Variants in IL1RAPL1 observed in about 807,000 individuals in gnomAD.
IL1RAPL1 encodes the protein interleukin-1 receptor accessory protein-like 1.
Under a neutral mutation model 48.4 loss-of-function variants are expected in IL1RAPL1, and 3 were observed. That is an observed-to-expected ratio of 0.06 (90% CI 0.03 to 0.16). The LOEUF (loss-of-function observed/expected upper bound fraction) is 0.16, where lower values mean the gene tolerates loss of function less well. IL1RAPL1 is among the 10% of genes least tolerant of loss of function. The pLI, the probability that IL1RAPL1 is intolerant of heterozygous loss-of-function variation, is 1.00. For synonymous variants in IL1RAPL1, 185 were observed against 187.7 expected (o/e 0.99, Z 0.12); for missense variants, 349 against 530.6 (o/e 0.66, Z 3.36).
chrX:28,755,987 C>G (rs1286178910), intron 1 of IL1RAPL1, among the ~76,000 whole-genome samples: 6 of 111,980 alleles, frequency 5.4e-5, no homozygotes, highest in Non-Finnish European at 1.1e-4. Context: ...GCTTCTACCT[C>G]TCTTTGCCCA....
intron 2 of IL1RAPL1, among the ~76,000 whole-genome samples, chrX:28,854,436 ATTTAGGAAGATGTGAAG>A (rs1249182682): frequency 2.2e-5 from 1 of 45,965 alleles, no homozygotes; most frequent in South Asian, 6.8e-4. Context: ...AAGATGTGAA[ATTTAGGAAGATGTGAAG>A]TTTAGGAAGA....
rs1931764482 is a variant in IL1RAPL1, at chrX:29,869,694, T to C, written c.779-47770T>C. 2.7e-5 allele frequency among the ~76,000 whole-genome samples: 3 copies of C among 111,260 alleles called. 1 individual carries two copies. Among genetic ancestry groups the C allele is most frequent in the Admixed American group, 1.9e-4 (2 of 10,407 alleles). Reference sequence around the variant, plus strand: ...GGATAATCAGGGTAAGCTCTATACATTGTCTGCCAATTACCATGTACTACT... The same window carrying C: ...GGATAATCAGGGTAAGCTCTATACACTGTCTGCCAATTACCATGTACTACT... On this transcript the variant is annotated intron_variant, in intron 6 of 10. Transcript: ENST00000378993.
chrX:29,884,267 C>T (rs1161903536), intron 6 of IL1RAPL1, among the ~76,000 whole-genome samples: 3 of 111,464 alleles, frequency 2.7e-5, no homozygotes, highest in East Asian at 2.8e-4. Context: ...ATGTAATACA[C>T]AATAGGTAGC....
chrX:29,263,507 T>C (rs1393620918), intron 2 of IL1RAPL1, among the ~76,000 whole-genome samples: 2 of 112,038 alleles, frequency 1.8e-5, no homozygotes, highest in Admixed American at 9.5e-5. Context: ...ACTCCTACAA[T>C]ATTTGCCTGC....
At chrX:28,743,190 TG>T (rs1383364546) in intron 1 of IL1RAPL1, among the ~76,000 whole-genome samples, 1 of 111,323 alleles carries the variant, frequency 9.0e-6, no homozygotes, top group Non-Finnish European at 1.9e-5. Flanking sequence ...GTAGAATTTA[TG>T]ATTCTGTGTG....
At chrX:29,723,384 G>T (rs1927689973) in intron 6 of IL1RAPL1, among the ~76,000 whole-genome samples, 1 of 111,998 alleles carries the variant, frequency 8.9e-6, no homozygotes, top group African/African-American at 3.2e-5. Flanking sequence ...AAGTAGCTGG[G>T]ATTACAGGCA....
chrX:29,659,765 CAG>C (rs1925787415), intron 5 of IL1RAPL1, among the ~76,000 whole-genome samples: 1 of 111,567 alleles, frequency 9.0e-6, no homozygotes, highest in Non-Finnish European at 1.9e-5. Flanking sequence ...GCTGGTATTA[CAG>C]CTATTTGTGG....
intron 2 of IL1RAPL1, among the ~76,000 whole-genome samples, chrX:28,814,029 G>A (rs2147277368): frequency 9.0e-6 from 1 of 110,577 alleles, no homozygotes; most frequent in South Asian, 3.8e-4. Context: ...CAACTTCTTG[G>A]TTGCACTCAC....
chrX:29,628,708 G>A (rs1245363991), intron 5 of IL1RAPL1, among the ~76,000 whole-genome samples: 4 of 112,056 alleles, frequency 3.6e-5, no homozygotes, highest in South Asian at 3.7e-4. Context: ...TTTCTATCCC[G>A]TTGGGTTACT....
intron 6 of IL1RAPL1, among the ~76,000 whole-genome samples, chrX:29,703,238 A>C (rs1228827230): frequency 8.9e-6 from 1 of 112,123 alleles, no homozygotes; most frequent in East Asian, 2.8e-4. Flanking sequence ...CCAAAAATGC[A>C]GTATTGATTC....
intron 5 of IL1RAPL1, among the ~76,000 whole-genome samples, chrX:29,471,733 A>G (rs1934923932): frequency 9.0e-6 from 1 of 111,278 alleles, no homozygotes; most frequent in Admixed American, 9.5e-5. Context: ...GGCCCTGGCA[A>G]GCACGAATCT....
intron 5 of IL1RAPL1, among the ~76,000 whole-genome samples, chrX:29,493,149 T>C (rs1316400647): frequency 8.9e-6 from 1 of 112,112 alleles, no homozygotes; most frequent in African/African-American, 3.2e-5. Context: ...TTTGTGTTTA[T>C]TCAGGACAAT....
intron 6 of IL1RAPL1, among the ~76,000 whole-genome samples, chrX:29,745,890 T>C (rs1928326642): frequency 8.9e-6 from 1 of 111,793 alleles, no homozygotes; most frequent in East Asian, 2.8e-4. Context: ...CATACCAATG[T>C]AGGTTTTGGT....
At chrX:28,621,974 C>T (rs1209880224) in intron 1 of IL1RAPL1, among the ~76,000 whole-genome samples, 1 of 110,824 alleles carries the variant, frequency 9.0e-6, no homozygotes, top group Non-Finnish European at 1.9e-5. Context: ...GTGGCAGATC[C>T]CTATCCCATA....
chrX:28,592,845 A>G (rs990571440), intron 1 of IL1RAPL1, among the ~76,000 whole-genome samples: 2 of 111,650 alleles, frequency 1.8e-5, no homozygotes, highest in Non-Finnish European at 3.8e-5. Context: ...TTCATTATGC[A>G]TGTTTATCTG....
intron 2 of IL1RAPL1, among the ~76,000 whole-genome samples, chrX:28,879,231 A>G (rs909343828): frequency 5.2e-4 from 58 of 111,579 alleles, no homozygotes; most frequent in Non-Finnish European, 3.0e-4. Context: ...GAGTTATACA[A>G]TGAGACCCCA....
At chrX:29,457,549 A>G (rs897670574) in intron 5 of IL1RAPL1, among the ~76,000 whole-genome samples, 8 of 111,918 alleles carry the variant, frequency 7.1e-5, no homozygotes, top group African/African-American at 2.6e-4. Context: ...ATAGTATTCC[A>G]TGGTGTACCA....
At chrX:29,616,445 C>T (rs6630922) in intron 5 of IL1RAPL1, among the ~76,000 whole-genome samples, 37,350 of 106,974 alleles carry the variant, frequency 0.35, 5,200 homozygotes, top group African/African-American at 0.48. Flanking sequence ...CGTCATTTAA[C>T]GTTAGGTATA....
At chrX:28,922,648 C>T (rs1251903987) in intron 2 of IL1RAPL1, among the ~76,000 whole-genome samples, 1 of 111,856 alleles carries the variant, frequency 8.9e-6, no homozygotes. Context: ...TGGCCCTTTG[C>T]ACCCTAAAAT....
Sources: gnomAD v4.1 joint callset for allele counts (sites outside exome capture counted in the v4.1 genomes callset) on GRCh38, gnomAD v4.1.1 for gene constraint, MANE v1.5 for transcripts, NCBI Gene and HGNC (gene_info 2026-07-23, HGNC 2026-07-21) for gene names.